The following DSCAM variants were observed in gnomAD, a reference collection of about 807,000 sequenced individuals.
The protein encoded by DSCAM is cell adhesion molecule DSCAM.
In DSCAM, 47 loss-of-function variants were observed where a neutral mutation model predicts 217.7. The observed-to-expected ratio is 0.22, with a 90% CI of 0.17 to 0.28. The LOEUF (loss-of-function observed/expected upper bound fraction) is 0.28. DSCAM is among the 10% of genes least tolerant of loss of function. The pLI is 1.00. For missense variants in DSCAM, 2,080 were observed against 2,618.3 expected (o/e 0.79, Z 4.49); for synonymous variants, 1,056 against 1,015.3 (o/e 1.04, Z -0.76).
intron 24 of DSCAM, among the ~76,000 whole-genome samples, chr21:40,083,037 G>A (rs2146566891): frequency 6.6e-6 from 1 of 152,314 alleles, no homozygotes; most frequent in Admixed American, 6.5e-5. Context: ...CCCCGGCCCT[G>A]GGACCTCCTT....
intron 3 of DSCAM, among the ~76,000 whole-genome samples, chr21:40,522,092 G>A (rs2076363866): frequency 6.6e-6 from 1 of 152,138 alleles, no homozygotes; most frequent in Non-Finnish European, 1.5e-5. Context: ...ATGGGTTGAG[G>A]TTGAGAAACT....
At chr21:40,235,504 T>G (rs888521618) in intron 11 of DSCAM, among the ~76,000 whole-genome samples, 2 of 152,132 alleles carry the variant, frequency 1.3e-5, no homozygotes, top group Non-Finnish European at 2.9e-5. Flanking sequence ...TTAATCACCC[T>G]GTCCCCCTTC....
chr21:40,546,446 T>G lies in DSCAM; in HGVS notation c.508+146364A>C, dbSNP rs2076583436. Reference sequence around the variant, plus strand: ...AGATCTGGATTCAAATAACAGCCACTTCCCTGCCTTTTGACCTTAGGCAAA... The same window carrying G: ...AGATCTGGATTCAAATAACAGCCACGTCCCTGCCTTTTGACCTTAGGCAAA... On this transcript the variant is annotated intron_variant, in intron 3 of 32. Transcript: ENST00000400454. Among the ~76,000 whole-genome samples, 4 of 152,222 alleles carry G rather than the reference T, an allele frequency of 2.6e-5. No homozygotes were observed. The South Asian group carries it at 8.3e-4, about 31-fold the overall frequency.
intron 3 of DSCAM, among the ~76,000 whole-genome samples, chr21:40,465,550 G>A (rs1313521347): frequency 6.6e-6 from 1 of 152,188 alleles, no homozygotes; most frequent in East Asian, 1.9e-4. Context: ...TTCCTTTAGA[G>A]CACGCATGTC....
chr21:40,119,137 T>G (rs1287282890), intron 20 of DSCAM, among the ~76,000 whole-genome samples: 4 of 152,204 alleles, frequency 2.6e-5, no homozygotes, highest in Non-Finnish European at 5.9e-5. Context: ...TGTTGTATGG[T>G]TGTTGTAAAT....
chr21:40,346,723 A>G (rs2074561790), intron 6 of DSCAM, among the ~76,000 whole-genome samples: 1 of 152,220 alleles, frequency 6.6e-6, no homozygotes, highest in Non-Finnish European at 1.5e-5. Context: ...ATTATACCAC[A>G]AAATAATTCC....
At chr21:40,129,147 C>T (rs569147054) in intron 19 of DSCAM, among the ~76,000 whole-genome samples, 54 of 152,218 alleles carry the variant, frequency 3.5e-4, no homozygotes, top group Admixed American at 2.9e-3. Flanking sequence ...CATGCACAAA[C>T]ATGCATGTAC....
At chr21:40,493,952 A>G (rs2146019101) in intron 3 of DSCAM, among the ~76,000 whole-genome samples, 1 of 151,080 alleles carries the variant, frequency 6.6e-6, no homozygotes, top group East Asian at 1.9e-4. Context: ...ATGCAATTAA[A>G]GTTATGTCAT....
chr21:40,245,998 CT>C (rs2073219137), intron 11 of DSCAM, among the ~76,000 whole-genome samples: 1 of 152,068 alleles, frequency 6.6e-6, no homozygotes, highest in African/African-American at 2.4e-5. Flanking sequence ...GATTTTTGTT[CT>C]CTGTATCTGC....
chr21:40,538,427 A>G (rs1437660232), intron 3 of DSCAM, among the ~76,000 whole-genome samples: 3 of 152,140 alleles, frequency 2.0e-5, no homozygotes, highest in African/African-American at 2.4e-5. Flanking sequence ...TAACAATCAC[A>G]AAGCTGTGAA....
At chr21:40,020,726 C>G (rs946160947) in intron 32 of DSCAM, among the ~76,000 whole-genome samples, 1 of 152,204 alleles carries the variant, frequency 6.6e-6, no homozygotes, top group African/African-American at 2.4e-5. Context: ...ACCTACCTGC[C>G]CGCACTGCCG....
Position 40,347,789 on chromosome 21 carries a change from C to A in DSCAM, c.1091G>T (p.Gly364Val). 6.2e-7 allele frequency: 1 copy of A among 1,614,162 alleles called. No individual in the cohort carries two copies. The highest frequency in any genetic ancestry group is 8.5e-7 in the Non-Finnish European group (1 of 1,180,004). Reference protein sequence around the residue: ...LNPGKNVRITGINHENLIMDH... With the variant: ...LNPGKNVRITVINHENLIMDH... ...CATTATAAGGTTTTCGTGGTTGATC[C>A]CTGTGATCCTCACATTTTTTCCAGG... Residue 364 changes from glycine (G) to valine (V), a missense_variant, in exon 6 of 33, where the codon GGG (glycine) becomes GTG (valine). Coordinates refer to ENST00000400454, the MANE Select transcript of DSCAM (RefSeq NM_001389.5).
chr21:40,225,737 T>A (rs552609777), intron 11 of DSCAM, among the ~76,000 whole-genome samples: 1 of 152,214 alleles, frequency 6.6e-6, no homozygotes, highest in Non-Finnish European at 1.5e-5. Context: ...GTTGGGACCA[T>A]GGAGAGAACA....
intron 28 of DSCAM, among the ~76,000 whole-genome samples, chr21:40,058,137 G>T (rs1397940330): frequency 6.6e-6 from 1 of 152,074 alleles, no homozygotes; most frequent in Non-Finnish European, 1.5e-5. Context: ...CTCCCAAAGT[G>T]CTGGGATTAC....
intron 11 of DSCAM, among the ~76,000 whole-genome samples, chr21:40,266,072 C>A (rs114905938): frequency 6.6e-6 from 1 of 152,128 alleles, no homozygotes; most frequent in Non-Finnish European, 1.5e-5. Context: ...AGACAACCTA[C>A]AGAATGGAAG....
chr21:40,306,074 G>C lies in DSCAM; in HGVS notation c.2062+6007C>G, dbSNP rs1164834554. Among the ~76,000 whole-genome samples, 28 of 151,984 alleles carry C rather than the reference G, an allele frequency of 1.8e-4. No homozygotes were observed. The East Asian group carries it at 5.4e-3, about 29-fold the overall frequency. The stretch of plus-strand genomic sequence containing the variant: ...CAATATTGATTCTTCCTACCCATGA[G>C]CATGGAATGTTCTTCCATTTGTTTG... On this transcript the variant is annotated intron_variant, in intron 9 of 32. Coordinates refer to ENST00000400454, the MANE Select transcript of DSCAM (RefSeq NM_001389.5).
intron 16 of DSCAM, among the ~76,000 whole-genome samples, chr21:40,163,804 C>T (rs1019211272): frequency 4.6e-5 from 7 of 152,050 alleles, no homozygotes; most frequent in Admixed American, 1.3e-4. Flanking sequence ...GGGTGCCTGC[C>T]GTTGTATAGT....
chr21:40,736,238 T>G (rs1210406667), intron 1 of DSCAM, among the ~76,000 whole-genome samples: 1 of 152,076 alleles, frequency 6.6e-6, no homozygotes, highest in East Asian at 1.9e-4. Context: ...CTCAAGGATA[T>G]TTACCCACCC....
At chr21:40,838,413 C>G (rs748830262) in intron 1 of DSCAM, among the ~76,000 whole-genome samples, 2 of 152,334 alleles carry the variant, frequency 1.3e-5, no homozygotes, top group Non-Finnish European at 2.9e-5. Flanking sequence ...ACACCAGCTT[C>G]TACCTGATCA....
Sources: allele counts gnomAD v4.1 joint callset (sites outside exome capture counted in the v4.1 genomes callset), GRCh38; gene constraint gnomAD v4.1.1; transcripts MANE v1.5; gene names NCBI Gene and HGNC (gene_info 2026-07-23, HGNC 2026-07-21).